The following FAM83G variants were observed in gnomAD, a reference collection of about 807,000 sequenced individuals.
FAM83G encodes the protein scaffolding CK1 anchoring protein G.
FAM83G carries 38 observed loss-of-function variants against 61.5 expected under a neutral mutation model. The ratio of observed to expected loss-of-function variants is 0.62; its 90% CI spans 0.48 to 0.81. The LOEUF (loss-of-function observed/expected upper bound fraction) is 0.81, where lower values mean the gene tolerates loss of function less well. Among genes scored for constraint, FAM83G ranks in the 30% least tolerant of loss-of-function variants. FAM83G has a pLI of 0.00. For synonymous variants in FAM83G, 470 were observed against 476.1 expected (o/e 0.99, Z 0.17); for missense variants, 989 against 1,133.6 (o/e 0.87, Z 1.83).
At chr17:19,001,768 C>T (rs1226739404) in intron 2 of FAM83G, among the ~76,000 whole-genome samples, 3 of 152,168 alleles carry the variant, frequency 2.0e-5, no homozygotes, top group African/African-American at 4.8e-5. Flanking sequence ...GAAGTCCTGG[C>T]CCTGGGAGCC....
chr17:18,998,669 C>T (rs945966615), intron 2 of FAM83G, among the ~76,000 whole-genome samples: 13 of 152,202 alleles, frequency 8.5e-5, no homozygotes, highest in African/African-American at 3.1e-4. Flanking sequence ...CGGCTCTCCT[C>T]GAAACTCTTA....
In FAM83G at chr17:18,971,304, G is replaced by A. The variant is rs1597833953; in HGVS notation, c.*55C>T. The A allele has an allele frequency of 1.5e-5, 24 of 1,608,212 alleles. No individual in the cohort carries two copies. The East Asian group carries it at 3.6e-4, about 24-fold the overall frequency. ...CCCAGGCGGCCTGTCTGCCCTCCGCGTCATGAGTCTGGGCTGGGGCCTCAG... is the reference window on the plus strand; with the variant it reads ...CCCAGGCGGCCTGTCTGCCCTCCGCATCATGAGTCTGGGCTGGGGCCTCAG... On this transcript the variant is annotated 3_prime_UTR_variant, in exon 6 of 6. Coordinates refer to ENST00000388995, the MANE Select transcript of FAM83G (RefSeq NM_001039999.3). This position sits in a 1 kb window ranked among gnomAD's most constrained non-coding sequence, Gnocchi z 5.5.
rs563466170 is a variant in FAM83G at position 18,978,594 on chromosome 17, C to T, written c.1072G>A (p.Asp358Asn). Residue 358 changes from aspartate to asparagine, a missense_variant, in exon 5 of 6, where the codon GAC becomes AAC. This residue lies in a region of FAM83G where 574 missense variants were observed against 645.1 expected (regional missense o/e 0.89). Transcript: ENST00000388995. ...KYALVKAKSV[D>N]EIAKISSEKQ... ...TCAGAGGAGATCTTGGCAATCTCGT[C>T]GACGCTCTTGGCCTTGACAAGTGCG... is the stretch of plus-strand genomic sequence containing the variant. The T allele has an allele frequency of 3.5e-5, 56 of 1,613,174 alleles. No homozygotes were observed. The Middle Eastern group carries it at 9.9e-4, about 29-fold the overall frequency.
At chr17:18,977,218 T>C in intron 5 of FAM83G, 1 of 624,764 alleles carries the variant, frequency 1.6e-6, no homozygotes, top group South Asian at 2.1e-5. Context: ...CTCAAGGCTG[T>C]AAATGAACGT....
rs773452393 is a variant in FAM83G at position 19,003,728 on chromosome 17, T to A, written c.314A>T (p.Asp105Val). The A allele has an allele frequency of 6.2e-7, 1 of 1,604,900 alleles. No individual in the cohort carries two copies. Among genetic ancestry groups the A allele is most frequent in the African/African-American group, 1.3e-5 (1 of 74,514 alleles). Reference protein sequence around the residue: ...VGDGEEASGADGVPIEAEPLP... With the variant: ...VGDGEEASGAVGVPIEAEPLP... ...CGGCTCGGCCTCGATGGGGACCCCA[T>A]CCGCCCCGCTGGCTTCCTCGCCGTC... Residue 105 changes from aspartate to valine, a missense_variant, in exon 2 of 6, where the codon GAT (aspartate) becomes GTT (valine). Physicochemically the swap from Asp to Val is radical, Grantham distance 152. Coordinates refer to ENST00000388995, the MANE Select transcript of FAM83G (RefSeq NM_001039999.3). This position sits in a 1 kb window ranked among gnomAD's most constrained non-coding sequence, Gnocchi z 4.5.
At chr17:18,979,729 C>T (rs532704975) in intron 3 of FAM83G, 56 bp from the exon 4 acceptor site, 42 of 1,599,490 alleles carry the variant, frequency 2.6e-5, no homozygotes, top group South Asian at 3.3e-5. Flanking sequence ...CCACACAGGG[C>T]GAGGGGAGGA....
intron 2 of FAM83G, among the ~76,000 whole-genome samples, chr17:18,999,769 G>A (rs2043680187): frequency 6.6e-6 from 1 of 152,246 alleles, no homozygotes; most frequent in African/African-American, 2.4e-5. Context: ...CTCTGGGTCT[G>A]TTCCCAAGCC....
intron 2 of FAM83G, among the ~76,000 whole-genome samples, chr17:18,989,854 G>T (rs553063605): frequency 1.5e-4 from 23 of 152,336 alleles, no homozygotes; most frequent in South Asian, 2.1e-4. Flanking sequence ...AGCAAGTTGG[G>T]CCAGGGCCTG....
chr17:18,968,999 C>A lies in FAM83G; in HGVS notation c.*2360G>T. 6.4e-7 allele frequency: 1 copy of A among 1,553,924 alleles called. No individual in the cohort carries two copies. Among genetic ancestry groups the A allele is most frequent in the South Asian group, 1.2e-5 (1 of 82,326 alleles). On this transcript the variant is annotated 3_prime_UTR_variant, in exon 6 of 6. Transcript: ENST00000388995. This position sits in a 1 kb window ranked among gnomAD's most constrained non-coding sequence, Gnocchi z 4.1. ...TTGCCCGAGGTCACCCAGGGAGTGG[C>A]TTGCTGGAGCCCTGGGAATAACAGT... is the stretch of plus-strand genomic sequence containing the variant.
In FAM83G at chr17:18,971,922, C is replaced by T. The variant is rs1328641299; in HGVS notation, c.2083-174G>A. Among the ~76,000 whole-genome samples, 1 of 152,220 alleles carries T rather than the reference C, an allele frequency of 6.6e-6. No individual in the cohort carries two copies. The highest frequency in any genetic ancestry group is 1.5e-5 in the Non-Finnish European group (1 of 68,028). On this transcript the variant is annotated intron_variant, in intron 5 of 5. Transcript: ENST00000388995. The surrounding 1 kb of genome is among the most constrained non-coding windows in gnomAD (Gnocchi z 5.5). ...TTTAGTCACTCGATGCCTCAGTTCC[C>T]CTGTCTGTAATATGGGAATAATCCT...
At chr17:18,987,755 C>T (rs959996732) in intron 3 of FAM83G, among the ~76,000 whole-genome samples, 2 of 152,224 alleles carry the variant, frequency 1.3e-5, no homozygotes, top group Non-Finnish European at 2.9e-5. Flanking sequence ...CTTCCCTGGC[C>T]CCAGCCTGAG....
upstream of FAM83G, among the ~76,000 whole-genome samples, chr17:19,005,392 G>T (rs745619946): frequency 3.9e-4 from 60 of 152,032 alleles, no homozygotes; most frequent in South Asian, 6.2e-4. Flanking sequence ...GTCCCCTGGG[G>T]TTGGGACCCT....
chr17:18,988,488 C>T, intron 2 of FAM83G, 74 bp from the exon 3 acceptor site: 4 of 1,578,158 alleles, frequency 2.5e-6, no homozygotes, highest in East Asian at 2.3e-5. Flanking sequence ...GCAGAGCGCA[C>T]AGCCCTCCCA....
chr17:18,978,391 G>A lies in FAM83G; in HGVS notation c.1275C>T (p.Ile425=), dbSNP rs1485989905. ...VEPDPEPGSD[I]LGYINIIDPN... is the part of the protein sequence containing the mutation. ...GGTCGATGATATTGATGTAGCCCAG[G>A]ATGTCGCTGCCAGGCTCCGGGTCTG... Residue 425 remains isoleucine (I), a synonymous_variant, in exon 5 of 6, where the codon ATC becomes ATT. Transcript: ENST00000388995. The A allele has an allele frequency of 1.3e-6, 2 of 1,590,906 alleles. No homozygotes were observed. Among genetic ancestry groups the A allele is most frequent in the Admixed American group, 3.6e-5 (2 of 55,052 alleles).
Position 18,978,608 on chromosome 17 carries a change from T to C in FAM83G, c.1058A>G (p.Lys353Arg). 6.2e-7 allele frequency: 1 copy of C among 1,613,172 alleles called. No homozygotes were observed. Among genetic ancestry groups the C allele is most frequent in the Admixed American group, 1.7e-5 (1 of 60,014 alleles). Residue 353 changes from lysine (K) to arginine (R), a missense_variant, in exon 5 of 6, where the codon AAG (lysine) becomes AGG (arginine). Physicochemically the swap from Lys to Arg is conservative, Grantham distance 26 (BLOSUM62 2). Around this residue, in one of 3 missense-constraint regions of FAM83G, gnomAD observed 574 missense variants for 645.1 expected, o/e 0.89. Coordinates refer to ENST00000388995, the MANE Select transcript of FAM83G (RefSeq NM_001039999.3). ...KLVNPKYALV[K>R]AKSVDEIAKI... ...GGCAATCTCGTCGACGCTCTTGGCC[T>C]TGACAAGTGCGTACTTGGGGTTGAC... is the stretch of plus-strand genomic sequence containing the variant.
chr17:18,984,908 G>A (rs1383248051), intron 3 of FAM83G, among the ~76,000 whole-genome samples: 1 of 152,252 alleles, frequency 6.6e-6, no homozygotes, highest in Admixed American at 6.5e-5. Context: ...CAGGGCAACC[G>A]GCTGAGGTGC....
intron 2 of FAM83G, among the ~76,000 whole-genome samples, chr17:18,999,927 C>T (rs1304307377): frequency 6.6e-6 from 1 of 152,208 alleles, no homozygotes; most frequent in Non-Finnish European, 1.5e-5. Flanking sequence ...CTGCTAAGGC[C>T]CCCCTGCTGT....
chr17:19,006,033 G>A (rs550846570), upstream of FAM83G, among the ~76,000 whole-genome samples: 1 of 152,294 alleles, frequency 6.6e-6, no homozygotes, highest in Admixed American at 6.5e-5. Flanking sequence ...AATGCACAGA[G>A]GCTGGAGAGT....
chr17:18,993,200 C>G (rs553705696), intron 2 of FAM83G, among the ~76,000 whole-genome samples: 14 of 152,304 alleles, frequency 9.2e-5, no homozygotes, highest in African/African-American at 3.1e-4. Flanking sequence ...CCTGATCCCT[C>G]TCCCCGACGC....
Sources: gnomAD v4.1 joint callset for allele counts (sites outside exome capture counted in the v4.1 genomes callset) on GRCh38, gnomAD v4.1.1 for gene constraint, gnomAD v4.1.1 regional missense constraint, Gnocchi (gnomAD v3.1) non-coding constraint, MANE v1.5 for transcripts, NCBI Gene and HGNC (gene_info 2026-07-23, HGNC 2026-07-21) for gene names.